The following FAF1 variants were observed in gnomAD, a reference collection of about 807,000 sequenced individuals.
FAF1 encodes the protein Fas associated factor 1.
In FAF1, 25 loss-of-function variants were observed where a neutral mutation model predicts 92.5. That is an observed-to-expected ratio of 0.27 (90% CI 0.20 to 0.38). FAF1 has a LOEUF of 0.38. Ranked by LOEUF, FAF1 falls within the 10% of genes least tolerant of loss-of-function variation. The pLI is 1.00. For synonymous variants in FAF1, 234 were observed against 273.2 expected (o/e 0.86, Z 1.42); for missense variants, 636 against 793.3 (o/e 0.80, Z 2.38).
At chr1:50,817,945 AATACT>A (rs1171205495) in intron 2 of FAF1, among the ~76,000 whole-genome samples, 1 of 152,212 alleles carries the variant, frequency 6.6e-6, no homozygotes, top group East Asian at 1.9e-4. Context: ...GAAAAAGGTA[AATACT>A]ATATGATTCC....
At chr1:50,943,738 C>A (rs1355301821) in intron 1 of FAF1, among the ~76,000 whole-genome samples, 1 of 152,202 alleles carries the variant, frequency 6.6e-6, no homozygotes, top group African/African-American at 2.4e-5. Context: ...ACACAGTTAT[C>A]TAAAGGCAAC....
intron 15 of FAF1, among the ~76,000 whole-genome samples, chr1:50,534,413 G>A (rs552692197): frequency 2.0e-5 from 3 of 152,100 alleles, no homozygotes; most frequent in African/African-American, 2.4e-5. Flanking sequence ...CTCCCGAGTA[G>A]CTGGGATTAC....
chr1:50,441,566 A>C, intron 18 of FAF1, 43 bp from the exon 19 acceptor site: 1 of 1,208,184 alleles, frequency 8.3e-7, no homozygotes, highest in Non-Finnish European at 1.2e-6. Flanking sequence ...TGAAACAAGC[A>C]CTATATTCTC....
chr1:50,486,212 G>A (rs1376904913), intron 17 of FAF1, among the ~76,000 whole-genome samples: 1 of 152,064 alleles, frequency 6.6e-6, no homozygotes, highest in African/African-American at 2.4e-5. Context: ...AAACAGTTTG[G>A]GTAGACAGGC....
chr1:50,858,269 C>T (rs1459534258), intron 1 of FAF1, among the ~76,000 whole-genome samples: 1 of 151,752 alleles, frequency 6.6e-6, no homozygotes, highest in African/African-American at 2.4e-5. Context: ...CCAGGATGAT[C>T]TCTAATTACC....
intron 1 of FAF1, among the ~76,000 whole-genome samples, chr1:50,958,494 G>T (rs1417738838): frequency 6.6e-6 from 1 of 151,990 alleles, no homozygotes; most frequent in African/African-American, 2.4e-5. Context: ...TGACTAACAC[G>T]GCGAAACCCT....
intron 1 of FAF1, among the ~76,000 whole-genome samples, chr1:50,914,731 A>G (rs1014116322): frequency 5.3e-5 from 8 of 152,204 alleles, no homozygotes; most frequent in African/African-American, 1.2e-4. Context: ...AAAGCAATAG[A>G]AGGGACAATG....
intron 13 of FAF1, among the ~76,000 whole-genome samples, chr1:50,565,671 A>G (rs1249903256): frequency 6.6e-6 from 1 of 152,062 alleles, no homozygotes; most frequent in Non-Finnish European, 1.5e-5. Context: ...ACCCTCAAAC[A>G]CTGTTTTTCA....
chr1:50,719,808 A>T (rs1412977741), intron 6 of FAF1, among the ~76,000 whole-genome samples: 1 of 152,206 alleles, frequency 6.6e-6, no homozygotes, highest in Non-Finnish European at 1.5e-5. Flanking sequence ...CTTTTTCAAA[A>T]TGTGATGCTA....
At chr1:50,759,256 C>T (rs1192079978) in intron 4 of FAF1, among the ~76,000 whole-genome samples, 6 of 150,822 alleles carry the variant, frequency 4.0e-5, no homozygotes, top group Non-Finnish European at 7.4e-5. Context: ...CCCATTAACT[C>T]GTCATTTAGC....
At chr1:50,851,112 ACT>A (rs1644345314) in intron 2 of FAF1, among the ~76,000 whole-genome samples, 1 of 142,216 alleles carries the variant, frequency 7.0e-6, no homozygotes, top group African/African-American at 2.6e-5. Context: ...AGACAGTCTC[ACT>A]CTGTCACCCA....
chr1:50,893,276 G>C (rs1644733489), intron 1 of FAF1, among the ~76,000 whole-genome samples: 1 of 152,084 alleles, frequency 6.6e-6, no homozygotes, highest in Admixed American at 6.6e-5. Flanking sequence ...ATATATATGA[G>C]TTAGGTATTT....
intron 2 of FAF1, among the ~76,000 whole-genome samples, chr1:50,814,719 C>G (rs1208631963): frequency 1.3e-5 from 2 of 151,972 alleles, no homozygotes; most frequent in African/African-American, 2.4e-5. Flanking sequence ...TACAAATGGC[C>G]AATAAGTACA....
chr1:50,893,095 C>G (rs908834203), intron 1 of FAF1, among the ~76,000 whole-genome samples: 4 of 152,004 alleles, frequency 2.6e-5, no homozygotes, highest in African/African-American at 9.7e-5. Context: ...TCCATATTAT[C>G]TTGAATTTCT....
chr1:50,442,454 T>C (rs916321440), intron 18 of FAF1, among the ~76,000 whole-genome samples: 6 of 152,186 alleles, frequency 3.9e-5, no homozygotes, highest in Non-Finnish European at 8.8e-5. Flanking sequence ...AGAAAAAATA[T>C]ATAATTAGCA....
chr1:50,799,351 T>C (rs1199206729), intron 3 of FAF1, among the ~76,000 whole-genome samples: 1 of 152,206 alleles, frequency 6.6e-6, no homozygotes, highest in African/African-American at 2.4e-5. Flanking sequence ...AAGAAAAATA[T>C]GTCAATTGCC....
At chr1:50,548,588 C>A (rs775492177) in intron 13 of FAF1, among the ~76,000 whole-genome samples, 11 of 152,188 alleles carry the variant, frequency 7.2e-5, no homozygotes, top group Non-Finnish European at 1.5e-4. Flanking sequence ...CTTCAGGGCC[C>A]TTTTCACTGT....
chr1:50,762,268 T>G (rs1362882738), intron 4 of FAF1, among the ~76,000 whole-genome samples: 2 of 152,106 alleles, frequency 1.3e-5, no homozygotes, highest in East Asian at 1.9e-4. Flanking sequence ...TACTGCCCAA[T>G]ATAATTTATA....
intron 8 of FAF1, among the ~76,000 whole-genome samples, chr1:50,652,010 C>T (rs1256361385): frequency 6.6e-6 from 1 of 152,208 alleles, no homozygotes; most frequent in Admixed American, 6.5e-5. Flanking sequence ...TGGCCCTAAA[C>T]ATCTTTGTTG....
Sources: gnomAD v4.1 joint callset for allele counts (sites outside exome capture counted in the v4.1 genomes callset) on GRCh38, gnomAD v4.1.1 for gene constraint, MANE v1.5 for transcripts, NCBI Gene and HGNC (gene_info 2026-07-23, HGNC 2026-07-21) for gene names.